Variants in FAM241A observed in about 807,000 individuals in gnomAD.
FAM241A encodes the protein family with sequence similarity 241 member A, also known as uncharacterized protein FAM241A.
Under a neutral mutation model 12.2 loss-of-function variants are expected in FAM241A, and 7 were observed. The ratio of observed to expected loss-of-function variants is 0.58; its 90% CI spans 0.33 to 1.08. FAM241A has a LOEUF of 1.08. Among genes scored for constraint, FAM241A ranks in the 50% least tolerant of loss-of-function variants. FAM241A has a pLI of 0.04. For missense variants in FAM241A, 161 were observed against 169.7 expected (o/e 0.95, Z 0.29); for synonymous variants, 74 against 68.2 (o/e 1.08, Z -0.42).
In FAM241A at chr4:112,189,293, G is replaced by A. The variant is rs185887671; in HGVS notation, c.*2355G>A. ...CCAGCTACTCAGGAGGCTGAGGCAG[G>A]AGAATGGCGTGAACCCGGGAGGCAG... On this transcript the variant is annotated 3_prime_UTR_variant, in exon 2 of 2. Transcript: ENST00000309733. 1 of 147,198 alleles carries A rather than the reference G, an allele frequency of 6.8e-6. No individual in the cohort carries two copies. Among genetic ancestry groups the A allele is most frequent in the Admixed American group, 7.0e-5 (1 of 14,302 alleles). The allele number at this position is 147,198 out of a possible 1,614,324, so 9.1% of individuals were successfully genotyped here.
chr4:112,186,908 T>C lies in FAM241A; in HGVS notation c.369T>C (p.Leu123=), dbSNP rs139612441. 36 of 1,614,012 alleles carry C rather than the reference T, an allele frequency of 2.2e-5. No homozygotes were observed. Among genetic ancestry groups the C allele is most frequent in the Non-Finnish European group, 3.0e-5 (35 of 1,179,932 alleles). The change falls in exon 2 of 2, where the codon CTT becomes CTC. Residue 123 remains leucine (L), a synonymous_variant. Coordinates refer to ENST00000309733, the MANE Select transcript of FAM241A (RefSeq NM_152400.3). ...AAGCCCTTGGACTAGTTGCTGTTCT[T>C]TGCCTTGTTATTATTTATGTGCAAC... is the stretch of plus-strand genomic sequence containing the variant. The part of the protein sequence containing the change: ...GLQALGLVAV[L]CLVIIYVQQ
chr4:112,193,399 G>A lies in FAM241A; in HGVS notation c.*6461G>A, dbSNP rs1326600053. 2.6e-5 allele frequency: 4 copies of A among 152,074 alleles called. No homozygotes were observed. Among genetic ancestry groups the A allele is most frequent in the Non-Finnish European group, 1.5e-5 (1 of 68,008 alleles). 9.4% of individuals were successfully genotyped at this position (152,074 alleles called of 1,614,324 possible). A position where few individuals can be genotyped will look rare whatever the true frequency, so the allele number is the denominator to read the frequency against. On this transcript the variant is annotated 3_prime_UTR_variant, in exon 2 of 2. Transcript: ENST00000309733. Reference sequence around the variant, plus strand: ...GTCTTTTGTTGCCATTGCTTTTGGTGTTTTAGACATGAAGTCCTTGCCCAT... The same window carrying A: ...GTCTTTTGTTGCCATTGCTTTTGGTATTTTAGACATGAAGTCCTTGCCCAT...
At chr4:112,171,886 A>G (rs1723730006) in intron 1 of FAM241A, among the ~76,000 whole-genome samples, 1 of 152,056 alleles carries the variant, frequency 6.6e-6, no homozygotes, top group Admixed American at 6.6e-5. Context: ...ACAAAAAAAA[A>G]TCTTGAGTTT....
intron 1 of FAM241A, among the ~76,000 whole-genome samples, chr4:112,157,065 T>G (rs1025979139): frequency 2.6e-5 from 4 of 152,086 alleles, no homozygotes; most frequent in Non-Finnish European, 5.9e-5. Context: ...AATTATAATT[T>G]CCAAAAAGGT....
At chr4:112,165,848 C>G (rs1723583944) in intron 1 of FAM241A, among the ~76,000 whole-genome samples, 2 of 152,068 alleles carry the variant, frequency 1.3e-5, no homozygotes, top group Non-Finnish European at 2.9e-5. Context: ...TTTGATAGTA[C>G]AACAGAGTGA....
chr4:112,181,591 G>A (rs569701852), intron 1 of FAM241A, among the ~76,000 whole-genome samples: 3 of 152,330 alleles, frequency 2.0e-5, no homozygotes, highest in African/African-American at 4.8e-5. Context: ...CATTGAGTCA[G>A]AATGCATTGA....
At chr4:112,175,918 A>G (rs1383611553) in intron 1 of FAM241A, among the ~76,000 whole-genome samples, 1 of 152,240 alleles carries the variant, frequency 6.6e-6, no homozygotes, top group African/African-American at 2.4e-5. Context: ...TATACTAGAC[A>G]GGCAAAAACA....
In FAM241A at chr4:112,194,363, T is replaced by G. The variant is rs1291726391; in HGVS notation, c.*7425T>G. The G allele has an allele frequency of 2.0e-5, 3 of 152,068 alleles. No homozygotes were observed. Among genetic ancestry groups the G allele is most frequent in the African/African-American group, 4.8e-5 (2 of 41,386 alleles). 9.4% of individuals were successfully genotyped at this position (152,068 alleles called of 1,614,324 possible). ...ACTTCCTTCTCCTGCCTAATTGCCC[T>G]GGCCAGAACTTCCAACACTATGTTG... On this transcript the variant is annotated 3_prime_UTR_variant, in exon 2 of 2. Transcript: ENST00000309733.
At chr4:112,171,198 G>T (rs1057289487) in intron 1 of FAM241A, 7 of 664,986 alleles carry the variant, frequency 1.1e-5, no homozygotes, top group Non-Finnish European at 1.9e-5. Context: ...TTTCTGTGCC[G>T]ATAGCACTCC....
intron 1 of FAM241A, among the ~76,000 whole-genome samples, chr4:112,156,090 T>C (rs1723348191): frequency 6.6e-6 from 1 of 152,188 alleles, no homozygotes; most frequent in South Asian, 2.1e-4. Context: ...TAGAGTAATA[T>C]AGAAATTATT....
intron 1 of FAM241A, among the ~76,000 whole-genome samples, chr4:112,183,271 T>C (rs1042097485): frequency 1.3e-5 from 2 of 152,098 alleles, no homozygotes; most frequent in African/African-American, 4.8e-5. Flanking sequence ...TTGTGTGTGC[T>C]TAAATTTTTT....
At chr4:112,167,361 AG>A (rs927329152) in intron 1 of FAM241A, among the ~76,000 whole-genome samples, 2 of 152,148 alleles carry the variant, frequency 1.3e-5, no homozygotes, top group Non-Finnish European at 2.9e-5. Flanking sequence ...AAAGAGAAAA[AG>A]GGAGATGAAG....
intron 1 of FAM241A, among the ~76,000 whole-genome samples, chr4:112,167,321 C>G (rs913492523): frequency 1.3e-5 from 2 of 151,942 alleles, no homozygotes; most frequent in Non-Finnish European, 2.9e-5. Context: ...TAACTAAACT[C>G]AGAAGGGAAT....
intron 1 of FAM241A, among the ~76,000 whole-genome samples, chr4:112,184,214 A>T (rs1723997298): frequency 6.6e-6 from 1 of 152,170 alleles, no homozygotes; most frequent in Non-Finnish European, 1.5e-5. Flanking sequence ...TAGAAGTGAA[A>T]ATCCAAAAGT....
chr4:112,156,824 A>G (rs531188402), intron 1 of FAM241A, among the ~76,000 whole-genome samples: 93 of 152,338 alleles, frequency 6.1e-4, no homozygotes, highest in Middle Eastern at 3.4e-3. Context: ...GTAGGCAAGG[A>G]TTGTAGTCCT....
chr4:112,184,616 C>A (rs1724003924), intron 1 of FAM241A, among the ~76,000 whole-genome samples: 1 of 152,180 alleles, frequency 6.6e-6, no homozygotes. Flanking sequence ...CAGTGAGTCT[C>A]ATTTTTCTAC....
At chr4:112,181,076 C>T (rs968543505) in intron 1 of FAM241A, among the ~76,000 whole-genome samples, 1 of 151,950 alleles carries the variant, frequency 6.6e-6, no homozygotes, top group African/African-American at 2.4e-5. Context: ...GATCACATAC[C>T]CTTTCCAAAA....
Position 112,188,254 on chromosome 4 carries a change from C to T in FAM241A, c.*1316C>T, listed in dbSNP as rs1445966089. The T allele has an allele frequency of 6.6e-6, 1 of 152,090 alleles. No individual in the cohort carries two copies. The highest frequency in any genetic ancestry group is 2.4e-5 in the African/African-American group (1 of 41,424). 9.4% of individuals were successfully genotyped at this position (152,090 alleles called of 1,614,324 possible). On this transcript the variant is annotated 3_prime_UTR_variant, in exon 2 of 2. Transcript: ENST00000309733. ...AATTTCAGAAATTGGGGCAGTCAGG[C>T]ATTTGTATCTTTGGTAGGGCAACAA...
rs1167107944 is a variant in FAM241A, at chr4:112,193,554, C to T, written c.*6616C>T. On this transcript the variant is annotated 3_prime_UTR_variant, in exon 2 of 2. Transcript: ENST00000309733. ...GTGTAAGGAAGGGATCCAGTTTCAG[C>T]TTTCTACATATGGCTAGCCAGTTTT... The T allele has an allele frequency of 3.3e-5, 5 of 152,146 alleles. No homozygotes were observed. The highest frequency in any genetic ancestry group is 7.4e-5 in the Non-Finnish European group (5 of 68,024). The allele number at this position is 152,146 out of a possible 1,614,324, so 9.4% of individuals were successfully genotyped here.
Sources: allele counts gnomAD v4.1 joint callset (sites outside exome capture counted in the v4.1 genomes callset), GRCh38; gene constraint gnomAD v4.1.1; transcripts MANE v1.5; gene names NCBI Gene and HGNC (gene_info 2026-07-23, HGNC 2026-07-21).